The following CECR2 variants were observed in gnomAD, a reference collection of about 807,000 sequenced individuals.
CECR2 encodes CECR2 histone acetyl-lysine reader.
In CECR2, 30 loss-of-function variants were observed where a neutral mutation model predicts 154.5. The ratio of observed to expected loss-of-function variants is 0.19; its 90% confidence interval spans 0.15 to 0.26. The LOEUF is 0.26. Ranked by LOEUF, CECR2 falls within the 10% of genes least tolerant of loss-of-function variation. The probability of loss-of-function intolerance (pLI) is 1.00; values close to 1 mark genes in which losing one functional copy is unlikely to be tolerated. For synonymous variants in CECR2, 725 were observed against 683.7 expected, an observed-to-expected ratio of 1.06 and a Z score of -0.94; for missense variants, 1,743 against 1,829.3, an observed-to-expected ratio of 0.95 and a Z score of 0.86.
At chr22:17,388,973 C>G (rs181395033) in intron 1 of CECR2, among the ~76,000 whole-genome samples, 1 of 151,982 alleles carries the variant, frequency 6.6e-6, no homozygotes, top group Non-Finnish European at 1.5e-5. Context: ...CCACCATGCC[C>G]GGATAACTTT....
chr22:17,376,702 G>C (rs1056571222), intron 1 of CECR2, among the ~76,000 whole-genome samples: 8 of 151,026 alleles, frequency 5.3e-5, no homozygotes, highest in African/African-American at 2.0e-4. Context: ...GCAGTGGCGT[G>C]ATCTCAGCTC....
At chr22:17,466,009 T>C (rs5746409) in intron 1 of CECR2, among the ~76,000 whole-genome samples, 15,808 of 124,068 alleles carry the variant, frequency 0.13, 901 homozygotes, top group South Asian at 0.24. Flanking sequence ...CCCCGCTCCT[T>C]TATTTATTTA....
At chr22:17,477,807 G>T in intron 2 of CECR2, 125 bp downstream of exon 2, 2 of 691,822 alleles carry the variant, frequency 2.9e-6, no homozygotes, top group South Asian at 1.7e-5. Context: ...CACTGTAGAT[G>T]GAGGACGTAC....
intron 1 of CECR2, among the ~76,000 whole-genome samples, chr22:17,447,885 GTTT>G (rs1322558141): frequency 6.7e-6 from 1 of 148,526 alleles, no homozygotes; most frequent in Non-Finnish European, 1.5e-5. Context: ...TTTTTTTTTT[GTTT>G]GTTTGTTTTT....
chr22:17,428,798 T>TG (rs2054371930), intron 1 of CECR2, among the ~76,000 whole-genome samples: 3 of 136,336 alleles, frequency 2.2e-5, no homozygotes, highest in Non-Finnish European at 4.7e-5. Context: ...ATGTTTTTAT[T>TG]TGTGTGTGTG....
chr22:17,524,919 G>A lies in CECR2; in HGVS notation c.1108+648G>A, dbSNP rs936870414. On this transcript the variant is annotated intron_variant, in intron 9 of 18. Coordinates refer to ENST00000262608, the MANE Select transcript of CECR2 (RefSeq NM_001290047.2). ...TGACCTCAAATGATCTTGCCGCCTC[G>A]GCCTCCCAAAGTGCTGGGATTACAG... The A allele has an allele frequency of 5.0e-5, 20 of 398,666 alleles. 1 individual carries two copies. The highest frequency in any genetic ancestry group is 5.2e-4 in the Middle Eastern group (1 of 1,910). 24.7% of individuals were successfully genotyped at this position (398,666 alleles called of 1,614,324 possible).
intron 9 of CECR2, among the ~76,000 whole-genome samples, chr22:17,531,222 A>T (rs376965310): frequency 6.6e-6 from 1 of 152,088 alleles, no homozygotes; most frequent in South Asian, 2.1e-4. Flanking sequence ...GGTTAAAGGG[A>T]TCCCCGTGGT....
chr22:17,416,559 C>T (rs888036796), intron 1 of CECR2, among the ~76,000 whole-genome samples: 1 of 152,208 alleles, frequency 6.6e-6, no homozygotes, highest in East Asian at 1.9e-4. Context: ...GAGTCTTGCT[C>T]TGGTCGCCCA....
At chr22:17,524,354 C>T in intron 9 of CECR2, 83 bp downstream of exon 9, 1 of 1,477,140 alleles carries the variant, frequency 6.8e-7, no homozygotes. Context: ...CAAGCTAAGT[C>T]CTGCCATGCA....
intron 1 of CECR2, among the ~76,000 whole-genome samples, chr22:17,375,366 C>T (rs1272830420): frequency 6.6e-6 from 1 of 152,100 alleles, no homozygotes; most frequent in African/African-American, 2.4e-5. Context: ...CCACCTGCCT[C>T]AGCCTCCCAA....
intron 9 of CECR2, among the ~76,000 whole-genome samples, chr22:17,534,009 C>T (rs1339620866): frequency 1.3e-5 from 2 of 151,862 alleles, no homozygotes; most frequent in Non-Finnish European, 2.9e-5. Context: ...CCACCATGCC[C>T]GGCCGAGCAA....
At chr22:17,366,027 T>A (rs2063000337), upstream of CECR2, among the ~76,000 whole-genome samples, 1 of 152,190 alleles carries the variant, frequency 6.6e-6, no homozygotes. Context: ...GTGGGATTTT[T>A]AAATAGAAAA....
At chr22:17,518,320 G>A (rs1378274536) in intron 8 of CECR2, among the ~76,000 whole-genome samples, 2 of 152,198 alleles carry the variant, frequency 1.3e-5, no homozygotes, top group Non-Finnish European at 2.9e-5. Flanking sequence ...CTGGACCATG[G>A]TTCAGTCTTG....
chr22:17,382,080 C>CG (rs1569044489), intron 1 of CECR2, among the ~76,000 whole-genome samples: 1 of 149,778 alleles, frequency 6.7e-6, no homozygotes, highest in Non-Finnish European at 1.5e-5. Flanking sequence ...TTAGTAGGGA[C>CG]GAGGTTTCGC....
intron 8 of CECR2, among the ~76,000 whole-genome samples, chr22:17,523,010 GAA>G (rs386819558): frequency 1.4e-5 from 2 of 146,120 alleles, no homozygotes; most frequent in East Asian, 2.0e-4. Flanking sequence ...ATCTCGGGGG[GAA>G]AAAAAAAAGC....
At chr22:17,408,455 AT>A (rs1569062429) in intron 1 of CECR2, among the ~76,000 whole-genome samples, 1 of 151,900 alleles carries the variant, frequency 6.6e-6, no homozygotes, top group Non-Finnish European at 1.5e-5. Context: ...CCAGAATGCC[AT>A]TTTTTTCTAA....
Position 17,538,748 on chromosome 22 carries a change from C to T in CECR2, c.1368+17C>T. 6.3e-7 allele frequency: 1 copy of T among 1,584,208 alleles called. No individual in the cohort carries two copies. The highest frequency in any genetic ancestry group is 8.7e-7 in the Non-Finnish European group (1 of 1,153,102). On this transcript the variant is annotated intron_variant, in intron 12 of 18. Transcript: ENST00000262608. ...ATTATTAAGGTAGAAGTTGTCTTTG[C>T]AGTAATGCCTACTATAGTGTGTATA... is the stretch of plus-strand genomic sequence containing the variant.
chr22:17,508,095 G>GC (rs777501650), intron 7 of CECR2, among the ~76,000 whole-genome samples: 2 of 152,224 alleles, frequency 1.3e-5, no homozygotes, highest in East Asian at 3.9e-4. Context: ...ATACAATAAT[G>GC]CCCCAAGTAA....
chr22:17,421,382 G>A (rs1393716607), intron 1 of CECR2, among the ~76,000 whole-genome samples: 1 of 152,014 alleles, frequency 6.6e-6, no homozygotes, highest in Non-Finnish European at 1.5e-5. Context: ...TTGGGAGGCC[G>A]AGGCGGGCGG....
Sources: allele counts gnomAD v4.1 joint callset (sites outside exome capture counted in the v4.1 genomes callset), GRCh38; gene constraint gnomAD v4.1.1; transcripts MANE v1.5; gene names NCBI Gene and HGNC (gene_info 2026-07-23, HGNC 2026-07-21).